Variants in FBN3 observed in about 807,000 individuals in gnomAD.
FBN3 encodes the protein fibrillin 3.
A neutral mutation model predicts 330.1 loss-of-function variants in FBN3; 234 were observed. That is an observed-to-expected ratio of 0.71 (90% CI 0.64 to 0.79). The LOEUF (loss-of-function observed/expected upper bound fraction) is 0.79, where lower values mean the gene tolerates loss of function less well. Among genes scored for constraint, FBN3 ranks in the 30% least tolerant of loss-of-function variants. FBN3 has a pLI of 0.00. For missense variants in FBN3, 3,606 were observed against 3,886.9 expected (o/e 0.93, Z 1.92); for synonymous variants, 1,458 against 1,517.3 (o/e 0.96, Z 0.91).
chr19:8,111,606 TGTCCCTCTAGG>T (rs1568411099), intron 32 of FBN3, 31 bp downstream of exon 32: 1 of 1,424,096 alleles, frequency 7.0e-7, no homozygotes, highest in South Asian at 1.2e-5. Flanking sequence ...CCCCCGTGGC[TGTCCCTCTAGG>T]GCCCCTGCCC....
Position 8,065,533 on chromosome 19 carries a change from G to A in FBN3, c.*386C>T, listed in dbSNP as rs115395861. On this transcript the variant is annotated 3_prime_UTR_variant, in exon 64 of 64. Transcript: ENST00000600128. ...CCTTCTACTCCGAGGAATAAGCCCTGTGCCCACCCCAGTTGCCCATTGCCA... is the reference window on the plus strand; with the variant it reads ...CCTTCTACTCCGAGGAATAAGCCCTATGCCCACCCCAGTTGCCCATTGCCA... 1,504 of 216,628 alleles carry A rather than the reference G, an allele frequency of 6.9e-3. 27 individuals are homozygous for A. Among genetic ancestry groups the A allele is most frequent in the African/African-American group, 0.032 (1,393 of 43,972 alleles). The allele number at this position is 216,628 out of a possible 1,614,324, so 13.4% of individuals were successfully genotyped here. A position where few individuals can be genotyped will look rare whatever the true frequency, so the allele number is the denominator to read the frequency against.
intron 3 of FBN3, 53 bp downstream of exon 3, chr19:8,147,051 T>A: frequency 6.8e-7 from 1 of 1,475,092 alleles, no homozygotes; most frequent in South Asian, 1.2e-5. Flanking sequence ...TGCAGGCAGG[T>A]AAGAGTGTCC....
At chr19:8,072,720 G>GCGCACACA (rs138829439) in intron 62 of FBN3, among the ~76,000 whole-genome samples, 22 of 149,478 alleles carry the variant, frequency 1.5e-4, no homozygotes, top group Non-Finnish European at 2.7e-4. Flanking sequence ...ATGCGCGCGT[G>GCGCACACA]CACACACACA....
chr19:8,146,282 C>A, intron 3 of FBN3, 57 bp from the exon 4 acceptor site: 1 of 1,446,346 alleles, frequency 6.9e-7, no homozygotes, highest in Non-Finnish European at 9.5e-7. Context: ...GCCGTCCCTG[C>A]TCCATTGGTG....
Position 8,130,632 on chromosome 19 carries a change from GAAA to G in FBN3, c.2044+600_2044+602del, listed in dbSNP as rs1366018080. 9.3e-3 allele frequency among the ~76,000 whole-genome samples: 18 copies of G among 1,932 alleles called. 1 individual carries two copies. Among genetic ancestry groups the G allele is most frequent in the Non-Finnish European group, 0.023 (10 of 438 alleles). 1.3% of individuals were successfully genotyped at this position (1,932 alleles called of 152,430 possible). A position where few individuals can be genotyped will look rare whatever the true frequency, so the allele number is the denominator to read the frequency against. On this transcript the variant is annotated intron_variant, in intron 16 of 63. Transcript: ENST00000600128. ...AGAAAGAAAGAAAGAAAGAAAGAAA[GAAA>G]GAAAGAAAGGAAAGGAAAGGAAAGG... is the stretch of plus-strand genomic sequence containing the variant.
chr19:8,085,562 C>A lies in FBN3; in HGVS notation c.6888G>T (p.Arg2296=), dbSNP rs1298813757. 4 of 1,566,072 alleles carry A rather than the reference C, an allele frequency of 2.6e-6. No homozygotes were observed. Among genetic ancestry groups the A allele is most frequent in the Non-Finnish European group, 2.6e-6 (3 of 1,156,470 alleles). Reference sequence around the variant, plus strand: ...GCACCTCGGCAAAGCAGGGCCCCTGCCGGATGTCTGCAGAGAACAATGGGA... The same window carrying A: ...GCACCTCGGCAAAGCAGGGCCCCTGACGGATGTCTGCAGAGAACAATGGGA... The part of the protein sequence containing the change: ...SPTLTECHDI[R]QGPCFAEVLQ... The change falls in exon 56 of 64, where the codon CGG becomes CGT. Residue 2296 remains arginine, a synonymous_variant. Coordinates refer to ENST00000600128, the MANE Select transcript of FBN3 (RefSeq NM_032447.5).
intron 22 of FBN3, among the ~76,000 whole-genome samples, chr19:8,124,571 T>C (rs1259503492): frequency 6.7e-6 from 1 of 148,582 alleles, no homozygotes; most frequent in African/African-American, 2.5e-5. Flanking sequence ...GGAGTCTTGC[T>C]CTGTCCCCCA....
intron 30 of FBN3, among the ~76,000 whole-genome samples, chr19:8,112,476 C>G (rs2082611769): frequency 9.8e-6 from 1 of 102,490 alleles, no homozygotes; most frequent in South Asian, 3.8e-4. Flanking sequence ...GAAACCCTGT[C>G]TCTACTAAAA....
chr19:8,102,469 C>T (rs553183372), intron 40 of FBN3, among the ~76,000 whole-genome samples: 2 of 152,214 alleles, frequency 1.3e-5, no homozygotes, highest in Admixed American at 6.5e-5. Flanking sequence ...CCACCCGCCT[C>T]GGCCTCCCAA....
At chr19:8,092,723 A>AGG (rs2082123918) in intron 47 of FBN3, among the ~76,000 whole-genome samples, 1 of 151,734 alleles carries the variant, frequency 6.6e-6, no homozygotes, top group Admixed American at 6.6e-5. Context: ...AAAAAAAAAA[A>AGG]AAAAAAAAAA....
At chr19:8,112,946 A>G (rs1368355689) in intron 30 of FBN3, among the ~76,000 whole-genome samples, 2 of 152,260 alleles carry the variant, frequency 1.3e-5, no homozygotes, top group Non-Finnish European at 2.9e-5. Context: ...TCTAATACAC[A>G]TTAAAATAAC....
rs150404330 is a variant in FBN3 at position 8,087,828 on chromosome 19, G to C, written c.6616C>G (p.Arg2206Gly). The C allele has an allele frequency of 1.9e-6, 3 of 1,613,644 alleles. No individual in the cohort carries two copies. The highest frequency in any genetic ancestry group is 2.5e-6 in the Non-Finnish European group (3 of 1,179,712). The stretch of plus-strand genomic sequence containing the variant: ...TTACCATATTAGTCAGGCCTACCTC[G>C]ACACATGGCCCCATCCTCCCGCAGG... ...YTLREDGAMC[R>G]DVDECADGQQ... Residue 2206 changes from arginine to glycine, a missense_variant, in exon 53 of 64, where the codon CGA becomes GGA. Coordinates refer to ENST00000600128, the MANE Select transcript of FBN3 (RefSeq NM_032447.5).
chr19:8,121,297 C>T lies in FBN3; in HGVS notation c.3172G>A (p.Gly1058Ser), dbSNP rs781241175. 10 of 1,612,916 alleles carry T rather than the reference C, an allele frequency of 6.2e-6. No homozygotes were observed. The highest frequency in any genetic ancestry group is 1.7e-5 in the Admixed American group (1 of 59,910). ...PGSFECECFP[G>S]YESGFMLMKN... Reference sequence around the variant, plus strand: ...ATCAGCATGAAGCCACTCTCGTAGCCGGGAAAACACTCGCACTCAAAGCTG... The same window carrying T: ...ATCAGCATGAAGCCACTCTCGTAGCTGGGAAAACACTCGCACTCAAAGCTG... Residue 1058 changes from glycine to serine, a missense_variant, in exon 25 of 64, where the codon GGC becomes AGC. Coordinates refer to ENST00000600128, the MANE Select transcript of FBN3 (RefSeq NM_032447.5). This position sits in a 1 kb window ranked among gnomAD's most constrained non-coding sequence, Gnocchi z 4.5.
intron 38 of FBN3, 120 bp from the exon 39 acceptor site, chr19:8,103,807 C>T: frequency 1.1e-6 from 1 of 892,778 alleles, no homozygotes; most frequent in Non-Finnish European, 1.7e-6. Context: ...GTTTCAAAAT[C>T]AGTTTAAAAC....
chr19:8,141,181 C>T (rs1171803822), intron 8 of FBN3, among the ~76,000 whole-genome samples: 2 of 108,590 alleles, frequency 1.8e-5, no homozygotes, highest in Non-Finnish European at 1.8e-5. Flanking sequence ...GGCGACAGAG[C>T]GAGACTCCGT....
At chr19:8,130,576 G>GAAAGAAAGAAAA (rs1239870468) in intron 16 of FBN3, among the ~76,000 whole-genome samples, 4 of 5,844 alleles carry the variant, frequency 6.8e-4, no homozygotes, top group South Asian at 4.6e-3. Flanking sequence ...AGGAAAGAAA[G>GAAAGAAAGAAAA]AAAGAATGAA....
rs902177398 is a variant in FBN3, at chr19:8,096,555, G to A, written c.5428C>T (p.Arg1810Trp). Reference protein sequence around the residue: ...GGACVGRNECREIPNVCSHGD... With the variant: ...GGACVGRNECWEIPNVCSHGD... Reference sequence around the variant, plus strand: ...TGGCTACAGACATTCGGGATCTCCCGACACTCATTCCGTCCTGGGGGTGCA... The same window carrying A: ...TGGCTACAGACATTCGGGATCTCCCAACACTCATTCCGTCCTGGGGGTGCA... The change falls in exon 44 of 64, where the codon CGG (arginine) becomes TGG (tryptophan). Residue 1810 changes from arginine to tryptophan, a missense_variant. By Grantham distance (101) the Arg-to-Trp change is moderately radical. Transcript: ENST00000600128. The surrounding 1 kb of genome is among the most constrained non-coding windows in gnomAD (Gnocchi z 4.6). 1.2e-5 allele frequency: 19 copies of A among 1,612,580 alleles called. No homozygotes were observed. Among genetic ancestry groups the A allele is most frequent in the Non-Finnish European group, 1.4e-5 (16 of 1,179,584 alleles).
At chr19:8,117,324 TG>T in intron 27 of FBN3, 33 bp from the exon 28 acceptor site, 6 of 405,030 alleles carry the variant, frequency 1.5e-5, no homozygotes, top group East Asian at 1.0e-4. Flanking sequence ...GGGCTGGGGC[TG>T]GGGGGAGGGG....
At chr19:8,101,101 C>T in intron 40 of FBN3, 129 bp from the exon 41 acceptor site, 2 of 592,792 alleles carry the variant, frequency 3.4e-6, no homozygotes, top group African/African-American at 1.9e-5. Flanking sequence ...TTTTGCTCTC[C>T]CCACCCTTTC....
Sources: allele counts gnomAD v4.1 joint callset (sites outside exome capture counted in the v4.1 genomes callset), GRCh38; gene constraint gnomAD v4.1.1; non-coding constraint Gnocchi (gnomAD v3.1); transcripts MANE v1.5; gene names NCBI Gene and HGNC (gene_info 2026-07-23, HGNC 2026-07-21).